Variants in SNTB1 observed in about 807,000 individuals in gnomAD.
SNTB1 encodes syntrophin beta 1, also known as beta-1-syntrophin.
Under a neutral mutation model 48.9 loss-of-function variants are expected in SNTB1, and 36 were observed. The observed-to-expected ratio is 0.74, with a 90% CI of 0.56 to 0.97. SNTB1 has a LOEUF of 0.97. Among genes scored for constraint, SNTB1 ranks in the 50% least tolerant of loss-of-function variants. The probability of loss-of-function intolerance (pLI) is 0.00; values close to 1 mark genes in which losing one functional copy is unlikely to be tolerated. For missense variants in SNTB1, 786 were observed against 703.4 expected, an observed-to-expected ratio of 1.12 and a Z score of -1.33; for synonymous variants, 299 against 294.6, an observed-to-expected ratio of 1.01 and a Z score of -0.15.
chr8:120,727,801 C>T (rs1252198450), intron 1 of SNTB1, among the ~76,000 whole-genome samples: 1 of 152,186 alleles, frequency 6.6e-6, no homozygotes, highest in East Asian at 1.9e-4. Flanking sequence ...ATATGGAACA[C>T]ATTCTGTGTG....
At chr8:120,782,663 CAG>C (rs1399173649) in intron 1 of SNTB1, among the ~76,000 whole-genome samples, 4 of 151,958 alleles carry the variant, frequency 2.6e-5, no homozygotes, top group Non-Finnish European at 5.9e-5. Flanking sequence ...TGTTATATAA[CAG>C]AGTTACCATC....
chr8:120,561,283 G>A (rs1815652180), intron 4 of SNTB1, among the ~76,000 whole-genome samples: 1 of 130,728 alleles, frequency 7.6e-6, no homozygotes, highest in South Asian at 2.4e-4. Context: ...TTGCACCACT[G>A]CACTCCAGCC....
intron 4 of SNTB1, among the ~76,000 whole-genome samples, chr8:120,557,612 T>A (rs769257032): frequency 1.2e-4 from 19 of 152,224 alleles, no homozygotes; most frequent in Non-Finnish European, 2.5e-4. Flanking sequence ...TTTCTGGAGA[T>A]AGGCATCCCT....
chr8:120,683,016 G>C lies in SNTB1; in HGVS notation c.788+10676C>G, dbSNP rs540115862. 1.6e-3 allele frequency among the ~76,000 whole-genome samples: 243 copies of C among 151,678 alleles called. 1 individual carries two copies. The highest frequency in any genetic ancestry group is 5.6e-3 in the African/African-American group (230 of 41,388). ...CCTGCCTCAGCCTCCCGAGTAGCTG[G>C]GACTACAGGCGCCCGCCACTGCGCC... On this transcript the variant is annotated intron_variant, in intron 2 of 6. Transcript: ENST00000517992.
At position 120,535,880 on chromosome 8, in the gene SNTB1, C is replaced by G. The variant is rs1044591107; in HGVS notation, c.*2997G>C. ...AATTACCCCCTCACTGTAGCCTACT[C>G]CAATCCCCTCAAGACGGAATATCTA... On this transcript the variant is annotated 3_prime_UTR_variant, in exon 7 of 7. Coordinates refer to ENST00000517992, the MANE Select transcript of SNTB1 (RefSeq NM_021021.4). 2.6e-5 allele frequency: 4 copies of G among 152,122 alleles called. No individual in the cohort carries two copies. The highest frequency in any genetic ancestry group is 5.9e-5 in the Non-Finnish European group (4 of 68,036). The allele number at this position is 152,122 out of a possible 1,614,324, so 9.4% of individuals were successfully genotyped here.
chr8:120,723,207 A>C (rs930251344), intron 1 of SNTB1, among the ~76,000 whole-genome samples: 8 of 152,316 alleles, frequency 5.3e-5, no homozygotes, highest in African/African-American at 1.7e-4. Flanking sequence ...ACTATATTGC[A>C]GCAATGATAC....
chr8:120,632,356 G>T, intron 3 of SNTB1, 88 bp downstream of exon 3: 1 of 1,186,574 alleles, frequency 8.4e-7, no homozygotes, highest in Non-Finnish European at 1.2e-6. Context: ...GAGAGAATCA[G>T]CCTATGGGAT....
chr8:120,774,419 T>C (rs1177569025), intron 1 of SNTB1, among the ~76,000 whole-genome samples: 1 of 152,168 alleles, frequency 6.6e-6, no homozygotes, highest in Non-Finnish European at 1.5e-5. Flanking sequence ...ACAGAGCTTT[T>C]TAAGGAGGAG....
chr8:120,603,527 G>C (rs1383477153), intron 3 of SNTB1, among the ~76,000 whole-genome samples: 1 of 152,092 alleles, frequency 6.6e-6, no homozygotes, highest in African/African-American at 2.4e-5. Context: ...GCATTGCCTG[G>C]GAACTTGTTA....
intron 4 of SNTB1, 88 bp downstream of exon 4, chr8:120,574,998 G>A (rs543262621): frequency 8.6e-6 from 13 of 1,516,678 alleles, no homozygotes; most frequent in Non-Finnish European, 1.2e-5. Context: ...GCAATAGTGA[G>A]CAGTAATATA....
intron 3 of SNTB1, among the ~76,000 whole-genome samples, chr8:120,631,179 G>A (rs1816972828): frequency 6.6e-6 from 1 of 152,176 alleles, no homozygotes; most frequent in African/African-American, 2.4e-5. Flanking sequence ...AAAGTGGGGA[G>A]TGATAGAGAC....
intron 4 of SNTB1, 34 bp downstream of exon 4, chr8:120,575,052 A>G (rs554092524): frequency 2.1e-4 from 333 of 1,613,834 alleles, no homozygotes; most frequent in Non-Finnish European, 2.7e-4. Context: ...ATCCACCTGC[A>G]AACACATCAT....
At chr8:120,734,633 C>A (rs144296924) in intron 1 of SNTB1, among the ~76,000 whole-genome samples, 2 of 152,188 alleles carry the variant, frequency 1.3e-5, no homozygotes, top group Non-Finnish European at 2.9e-5. Context: ...CCTGGGTTAT[C>A]GAACAATTAG....
chr8:120,652,544 C>T (rs1817426484), intron 2 of SNTB1, among the ~76,000 whole-genome samples: 1 of 151,138 alleles, frequency 6.6e-6, no homozygotes, highest in South Asian at 2.1e-4. Flanking sequence ...TTTCTTAAGC[C>T]AGTTCAAATT....
At chr8:120,694,670 G>A (rs1044489407) in intron 1 of SNTB1, among the ~76,000 whole-genome samples, 3 of 151,668 alleles carry the variant, frequency 2.0e-5, no homozygotes, top group Non-Finnish European at 2.9e-5. Flanking sequence ...GATAAAAGGA[G>A]AAAGCAAAGC....
intron 4 of SNTB1, among the ~76,000 whole-genome samples, chr8:120,549,428 T>C (rs1815441844): frequency 6.6e-6 from 1 of 152,188 alleles, no homozygotes; most frequent in African/African-American, 2.4e-5. Context: ...TTCATGCACG[T>C]AGCCCCTAAA....
rs182809261 is a variant in SNTB1 at position 120,610,197 on chromosome 8, C to T, written c.996+22247G>A. ...TGTTGCCCAGGCAGGAGTGCAGTGG[C>T]GTGATCTCGGCTCACTGCAACCTCT... is the stretch of plus-strand genomic sequence containing the variant. On this transcript the variant is annotated intron_variant, in intron 3 of 6. Coordinates refer to ENST00000517992, the MANE Select transcript of SNTB1 (RefSeq NM_021021.4). Among the ~76,000 whole-genome samples, 4 of 152,224 alleles carry T rather than the reference C, an allele frequency of 2.6e-5. No homozygotes were observed. In the East Asian group the frequency reaches 7.7e-4, roughly 29 times the overall value.
Position 120,762,845 on chromosome 8 carries a change from A to G in SNTB1, c.571+48428T>C, listed in dbSNP as rs77776005. ...AAAAAATACTAGGCAATGGAATTGC[A>G]TCCAAATAGAGTAACAACAAAATAA... On this transcript the variant is annotated intron_variant, in intron 1 of 6. Transcript: ENST00000517992. Among the ~76,000 whole-genome samples the G allele has an allele frequency of 9.0e-3, 1,373 of 152,338 alleles. 13 individuals are homozygous for G. The highest frequency in any genetic ancestry group is 0.015 in the Non-Finnish European group (1,030 of 68,034).
rs201100011 is a variant in SNTB1 at position 120,676,617 on chromosome 8, T to C, written c.788+17075A>G. 5.3e-5 allele frequency among the ~76,000 whole-genome samples: 8 copies of C among 152,158 alleles called. No homozygotes were observed. In the East Asian group the frequency reaches 1.5e-3, roughly 29 times the overall value. On this transcript the variant is annotated intron_variant, in intron 2 of 6. Transcript: ENST00000517992. ...TGGTATATAGCAGTTAGTTTTCTCT[T>C]CCACAGCTGAAAAAAGCTCAAAATG...
Sources: gnomAD v4.1 joint callset for allele counts (sites outside exome capture counted in the v4.1 genomes callset) on GRCh38, gnomAD v4.1.1 for gene constraint, MANE v1.5 for transcripts, NCBI Gene and HGNC (gene_info 2026-07-23, HGNC 2026-07-21) for gene names.